Variants in COG5 observed in about 807,000 individuals in gnomAD.
The protein encoded by COG5 is conserved oligomeric Golgi complex subunit 5.
Under a neutral mutation model 110.4 loss-of-function variants are expected in COG5, and 86 were observed. The observed-to-expected ratio is 0.78, with a 90% confidence interval of 0.65 to 0.93. The LOEUF is 0.93. COG5 is among the 40% of genes least tolerant of loss of function. COG5 has a pLI of 0.00. For missense variants in COG5, 1,077 were observed against 987.0 expected (o/e 1.09, Z -1.22); for synonymous variants, 360 against 334.6 (o/e 1.08, Z -0.83).
At chr7:107,278,213 A>G (rs550429480) in intron 14 of COG5, among the ~76,000 whole-genome samples, 49 of 152,184 alleles carry the variant, frequency 3.2e-4, no homozygotes, top group African/African-American at 1.1e-3. Flanking sequence ...TGAGCATTCT[A>G]TTAATGATCT....
At chr7:107,412,139 A>C (rs904072036) in intron 7 of COG5, among the ~76,000 whole-genome samples, 11 of 152,128 alleles carry the variant, frequency 7.2e-5, no homozygotes, top group African/African-American at 2.7e-4. Flanking sequence ...CTTCAACTGC[A>C]AAATATAATT....
At chr7:107,380,944 G>T (rs559892730) in intron 7 of COG5, among the ~76,000 whole-genome samples, 26 of 152,140 alleles carry the variant, frequency 1.7e-4, no homozygotes, top group African/African-American at 6.3e-4. Context: ...AGTAGCACAT[G>T]AAAAAGCTTA....
chr7:107,310,116 C>A (rs1200679680), intron 11 of COG5, among the ~76,000 whole-genome samples: 1 of 152,126 alleles, frequency 6.6e-6, no homozygotes, highest in African/African-American at 2.4e-5. Flanking sequence ...CCCCTCATTT[C>A]TTTTTATAGC....
At chr7:107,450,374 T>C (rs992991881) in intron 6 of COG5, 4 of 152,206 alleles carry the variant, frequency 2.6e-5, no homozygotes, top group Non-Finnish European at 5.9e-5. Context: ...AGCTCTATCA[T>C]TTGAGACAAC....
At chr7:107,225,106 G>C (rs192210374) in intron 19 of COG5, among the ~76,000 whole-genome samples, 88 of 152,260 alleles carry the variant, frequency 5.8e-4, no homozygotes, top group African/African-American at 2.0e-3. Flanking sequence ...ACTCCAGCTG[G>C]CACTGTCATC....
chr7:107,420,434 G>A (rs898469252), intron 6 of COG5, among the ~76,000 whole-genome samples: 13 of 152,168 alleles, frequency 8.5e-5, no homozygotes, highest in Non-Finnish European at 1.6e-4. Context: ...AGGAGTTCAG[G>A]TATTACAGAA....
intron 16 of COG5, among the ~76,000 whole-genome samples, chr7:107,250,750 G>A (rs891291089): frequency 2.0e-5 from 3 of 152,148 alleles, no homozygotes; most frequent in South Asian, 2.1e-4. Context: ...TAAAATTGAC[G>A]GGATAGGCTT....
intron 5 of COG5, among the ~76,000 whole-genome samples, chr7:107,543,961 C>G (rs562482142): frequency 1.3e-5 from 2 of 152,164 alleles, no homozygotes; most frequent in African/African-American, 4.8e-5. Context: ...TGACTCACAC[C>G]TGCCTCAGTG....
At chr7:107,231,518 G>C (rs1253869229) in intron 18 of COG5, among the ~76,000 whole-genome samples, 2 of 152,104 alleles carry the variant, frequency 1.3e-5, no homozygotes, top group African/African-American at 2.4e-5. Context: ...GTGCTACTCA[G>C]GTGATAGACT....
At chr7:107,415,042 A>C (rs1475843957) in intron 6 of COG5, among the ~76,000 whole-genome samples, 1 of 151,902 alleles carries the variant, frequency 6.6e-6, no homozygotes, top group African/African-American at 2.4e-5. Context: ...CCCTTCTTTT[A>C]CTAGCCTCCT....
intron 12 of COG5, among the ~76,000 whole-genome samples, chr7:107,284,990 G>A (rs993033988): frequency 6.6e-6 from 1 of 152,078 alleles, no homozygotes; most frequent in Admixed American, 6.6e-5. Context: ...CTGGTCCACT[G>A]ATATGACCTA....
intron 3 of COG5, among the ~76,000 whole-genome samples, chr7:107,552,797 A>G (rs1376926077): frequency 6.6e-6 from 1 of 152,230 alleles, no homozygotes; most frequent in African/African-American, 2.4e-5. Flanking sequence ...TTGTTCCACC[A>G]TAAAGACACA....
At chr7:107,363,275 G>C (rs1813289602) in intron 8 of COG5, among the ~76,000 whole-genome samples, 1 of 152,172 alleles carries the variant, frequency 6.6e-6, no homozygotes, top group African/African-American at 2.4e-5. Flanking sequence ...GGAAAAAAGA[G>C]TGATTTCATA....
intron 6 of COG5, among the ~76,000 whole-genome samples, chr7:107,436,091 T>C (rs1794346655): frequency 6.6e-6 from 1 of 152,098 alleles, no homozygotes; most frequent in Non-Finnish European, 1.5e-5. Context: ...ATTAAGTGGA[T>C]CTCATAGAGG....
intron 10 of COG5, among the ~76,000 whole-genome samples, chr7:107,342,913 C>T (rs1811289662): frequency 1.3e-5 from 2 of 152,094 alleles, no homozygotes; most frequent in South Asian, 4.1e-4. Flanking sequence ...AAGGCACATG[C>T]ACTTGTATGT....
At chr7:107,481,455 C>T (rs1229796859) in intron 6 of COG5, among the ~76,000 whole-genome samples, 1 of 152,054 alleles carries the variant, frequency 6.6e-6, no homozygotes. Context: ...GTGAGAAATA[C>T]ATATGGGACT....
At chr7:107,290,491 G>C (rs1419212559) in intron 12 of COG5, among the ~76,000 whole-genome samples, 1 of 152,094 alleles carries the variant, frequency 6.6e-6, no homozygotes, top group Non-Finnish European at 1.5e-5. Context: ...GAAAATGTGT[G>C]TTTATATTGT....
At chr7:107,427,349 C>T (rs1349027010) in intron 6 of COG5, among the ~76,000 whole-genome samples, 1 of 152,190 alleles carries the variant, frequency 6.6e-6, no homozygotes, top group Non-Finnish European at 1.5e-5. Context: ...CTCTTATTCA[C>T]TTTTCTTCAC....
intron 6 of COG5, among the ~76,000 whole-genome samples, chr7:107,462,624 A>AAC (rs1563049365): frequency 6.6e-6 from 1 of 151,868 alleles, no homozygotes; most frequent in East Asian, 1.9e-4. Flanking sequence ...AAAAAAAAAA[A>AAC]AAAAAACTTT....
Sources: gnomAD v4.1 joint callset for allele counts (sites outside exome capture counted in the v4.1 genomes callset) on GRCh38, gnomAD v4.1.1 for gene constraint, MANE v1.5 for transcripts, NCBI Gene and HGNC (gene_info 2026-07-23, HGNC 2026-07-21) for gene names.